Variants in XYLT1 observed in about 807,000 individuals in gnomAD.
XYLT1 encodes xylosyltransferase 1.
Under a neutral mutation model 91.3 loss-of-function variants are expected in XYLT1, and 36 were observed. That is an observed-to-expected ratio of 0.39 (90% CI 0.30 to 0.52). The LOEUF is 0.52. Among genes scored for constraint, XYLT1 ranks in the 20% least tolerant of loss-of-function variants. XYLT1 has a pLI of 0.68. For synonymous variants in XYLT1, 588 were observed against 532.0 expected (o/e 1.11, Z -1.45); for missense variants, 1,242 against 1,284.5 (o/e 0.97, Z 0.51).
chr16:17,107,894 G>A lies in XYLT1; in HGVS notation c.*801C>T, dbSNP rs1417972430. On this transcript the variant is annotated 3_prime_UTR_variant, in exon 12 of 12. Coordinates refer to ENST00000261381, the MANE Select transcript of XYLT1 (RefSeq NM_022166.4). ...GGCAGCCTTGAGGGAAGGAGGCCCA[G>A]ACCCCTGGACAGGTGGCAGTTGCAC... is the stretch of plus-strand genomic sequence containing the variant. 6.5e-6 allele frequency: 1 copy of A among 152,712 alleles called. No homozygotes were observed. Among genetic ancestry groups the A allele is most frequent in the Non-Finnish European group, 1.5e-5 (1 of 68,080 alleles). The allele number at this position is 152,712 out of a possible 1,614,324, so 9.5% of individuals were successfully genotyped here.
intron 3 of XYLT1, among the ~76,000 whole-genome samples, chr16:17,240,998 G>T (rs900574080): frequency 6.6e-6 from 1 of 152,118 alleles, no homozygotes; most frequent in African/African-American, 2.4e-5. Context: ...CATTTCACAG[G>T]ATCCTATTCC....
At chr16:17,343,040 G>A (rs2035085910) in intron 2 of XYLT1, among the ~76,000 whole-genome samples, 1 of 152,124 alleles carries the variant, frequency 6.6e-6, no homozygotes, top group African/African-American at 2.4e-5. Flanking sequence ...GAACAGGGTG[G>A]AACACCCAAC....
At chr16:17,393,619 A>C (rs760221674) in intron 1 of XYLT1, among the ~76,000 whole-genome samples, 2 of 152,110 alleles carry the variant, frequency 1.3e-5, no homozygotes, top group Non-Finnish European at 2.9e-5. Flanking sequence ...GAGTTCGGAA[A>C]AATGTCATAT....
chr16:17,152,494 T>C lies in XYLT1; in HGVS notation c.1370+6335A>G, dbSNP rs894510810. On this transcript the variant is annotated intron_variant, in intron 6 of 11. Coordinates refer to ENST00000261381, the MANE Select transcript of XYLT1 (RefSeq NM_022166.4). ...TTGCATCAGTCATGGAGCTACAAGT[T>C]AGCCAGAAACAGAGCTCTTCTCTCA... 5.9e-5 allele frequency among the ~76,000 whole-genome samples: 9 copies of C among 152,226 alleles called. No individual in the cohort carries two copies. The East Asian group carries it at 1.2e-3, about 20-fold the overall frequency.
intron 1 of XYLT1, among the ~76,000 whole-genome samples, chr16:17,429,682 C>G (rs1192690127): frequency 2.0e-5 from 3 of 152,178 alleles, no homozygotes; most frequent in Admixed American, 2.0e-4. Context: ...GGGTGGTTAT[C>G]AGCCAGTAGA....
At chr16:17,384,826 T>G (rs1338596942) in intron 1 of XYLT1, among the ~76,000 whole-genome samples, 3 of 151,918 alleles carry the variant, frequency 2.0e-5, no homozygotes, top group African/African-American at 7.2e-5. Flanking sequence ...TGACTTCTCT[T>G]TGACAGCACC....
intron 2 of XYLT1, among the ~76,000 whole-genome samples, chr16:17,285,964 GACAGAGAGAC>G (rs2034134517): frequency 6.6e-6 from 1 of 151,840 alleles, no homozygotes; most frequent in Non-Finnish European, 1.5e-5. Context: ...AAGAGAGAGA[GACAGAGAGAC>G]AGAGAGAGAC....
intron 8 of XYLT1, among the ~76,000 whole-genome samples, chr16:17,137,308 G>C (rs949694019): frequency 6.6e-6 from 1 of 152,124 alleles, no homozygotes; most frequent in East Asian, 1.9e-4. Flanking sequence ...CACACAGCCC[G>C]GCACAGAGGA....
chr16:17,427,555 A>G (rs1261934439), intron 1 of XYLT1, among the ~76,000 whole-genome samples: 1 of 152,176 alleles, frequency 6.6e-6, no homozygotes, highest in Non-Finnish European at 1.5e-5. Flanking sequence ...AAGCGCTGGG[A>G]TTACAGGCGT....
intron 1 of XYLT1, among the ~76,000 whole-genome samples, chr16:17,386,121 C>A (rs928065888): frequency 1.3e-5 from 2 of 152,136 alleles, no homozygotes; most frequent in African/African-American, 4.8e-5. Context: ...AAAAAAATCA[C>A]TTATGTAACA....
At chr16:17,358,923 G>C (rs1021630316) in intron 1 of XYLT1, among the ~76,000 whole-genome samples, 1 of 152,100 alleles carries the variant, frequency 6.6e-6, no homozygotes, top group Non-Finnish European at 1.5e-5. Context: ...CCAGAGAAAT[G>C]TCCTATTCAT....
Position 17,259,034 on chromosome 16 carries a change from T to C in XYLT1, c.867A>G (p.Leu289=). 1 of 1,515,166 alleles carries C rather than the reference T, an allele frequency of 6.6e-7. No homozygotes were observed. The highest frequency in any genetic ancestry group is 8.8e-7 in the Non-Finnish European group (1 of 1,131,952). 93.9% of individuals were successfully genotyped at this position (1,515,166 alleles called of 1,614,324 possible). Residue 289 remains leucine, a synonymous_variant, in exon 3 of 12, where the codon TTA becomes TTG. Transcript: ENST00000261381. ...TCACCTTCTCAGGCATCAGCAGCCC[T>C]AACTTGTGGCGGCAGTAAGTCTCCC... ...EIGETYCRHK[L]GLLMPEKVTR... is the part of the protein sequence containing the mutation.
intron 1 of XYLT1, among the ~76,000 whole-genome samples, chr16:17,460,233 G>C (rs536894738): frequency 6.6e-6 from 1 of 152,144 alleles, no homozygotes; most frequent in Non-Finnish European, 1.5e-5. Context: ...GCGTGTTATT[G>C]GGGGACAAGG....
intron 2 of XYLT1, among the ~76,000 whole-genome samples, chr16:17,346,026 G>T (rs935974989): frequency 4.6e-5 from 7 of 152,126 alleles, no homozygotes; most frequent in Non-Finnish European, 1.0e-4. Context: ...GGTCAGGCTG[G>T]TCTTGAACAC....
intron 5 of XYLT1, among the ~76,000 whole-genome samples, chr16:17,185,251 TGAG>T (rs1450409583): frequency 6.6e-5 from 10 of 152,226 alleles, no homozygotes; most frequent in African/African-American, 9.6e-5. Context: ...ATAACAGGGC[TGAG>T]GATATGTTTA....
chr16:17,322,262 C>G (rs1271769395), intron 2 of XYLT1, among the ~76,000 whole-genome samples: 1 of 152,050 alleles, frequency 6.6e-6, no homozygotes, highest in East Asian at 1.9e-4. Context: ...AGAAGGCTAC[C>G]CCAACAGATT....
intron 8 of XYLT1, chr16:17,137,479 A>C (rs1366661124): frequency 6.6e-6 from 1 of 152,278 alleles, no homozygotes. Flanking sequence ...TCGCTTAACC[A>C]TTCAGTGGCA....
rs113604018 is a variant in XYLT1, at chr16:17,470,383, C to A, written c.363+51G>T. 1.1e-3 allele frequency: 1,359 copies of A among 1,215,786 alleles called. 15 individuals are homozygous for A. The African/African-American group carries it at 0.02, about 18-fold the overall frequency. The allele number at this position is 1,215,786 out of a possible 1,614,324, so 75.3% of individuals were successfully genotyped here. A position where few individuals can be genotyped will look rare whatever the true frequency, so the allele number is the denominator to read the frequency against. ...AGGGCTAGGGGGGCGTGGGGTCGGG[C>A]TGCCTTCCTCCCTCCCTCGCCGCGG... On this transcript the variant is annotated intron_variant, in intron 1 of 11. Coordinates refer to ENST00000261381, the MANE Select transcript of XYLT1 (RefSeq NM_022166.4).
At chr16:17,135,965 C>T (rs2030703195) in intron 8 of XYLT1, among the ~76,000 whole-genome samples, 1 of 152,194 alleles carries the variant, frequency 6.6e-6, no homozygotes, top group South Asian at 2.1e-4. Flanking sequence ...TTGCTGACCC[C>T]TTGTGTAGGG....
Sources: gnomAD v4.1 joint callset for allele counts (sites outside exome capture counted in the v4.1 genomes callset) on GRCh38, gnomAD v4.1.1 for gene constraint, MANE v1.5 for transcripts, NCBI Gene and HGNC (gene_info 2026-07-23, HGNC 2026-07-21) for gene names.